The following MYO1E variants were observed in gnomAD, a reference collection of about 807,000 sequenced individuals.
MYO1E encodes the protein unconventional myosin-Ie.
Under a neutral mutation model 151.1 loss-of-function variants are expected in MYO1E, and 68 were observed. The observed-to-expected ratio is 0.45, with a 90% CI of 0.37 to 0.55. MYO1E has a LOEUF of 0.55. Ranked by LOEUF, MYO1E falls within the 20% of genes least tolerant of loss-of-function variation. The pLI is 0.00. For missense variants in MYO1E, 1,363 were observed against 1,389.3 expected, an observed-to-expected ratio of 0.98 and a Z score of 0.30; for synonymous variants, 601 against 501.7, an observed-to-expected ratio of 1.20 and a Z score of -2.64.
rs56164138 is a variant in MYO1E, at chr15:59,236,369, TACACACACACAC to T, written c.420+204_420+215del. Among the ~76,000 whole-genome samples, 17,278 of 117,540 alleles carry T rather than the reference TACACACACACAC, an allele frequency of 0.15. 1,645 individuals are homozygous for T. Among genetic ancestry groups the T allele is most frequent in the Non-Finnish European group, 0.16 (9,308 of 57,688 alleles). 77.1% of individuals were successfully genotyped at this position (117,540 alleles called of 152,430 possible). ...TCAAAAAAGAAAAAAAAAAAATATA[TACACACACACAC>T]ACACACACACACACACACACACACA... On this transcript the variant is annotated intron_variant, in intron 5 of 27. Transcript: ENST00000288235.
intron 2 of MYO1E, among the ~76,000 whole-genome samples, chr15:59,263,550 A>G (rs2080236477): frequency 1.3e-5 from 2 of 152,212 alleles, no homozygotes; most frequent in East Asian, 1.9e-4. Context: ...ATAATCATAT[A>G]ATTTTTTTAA....
At chr15:59,178,727 C>T (rs1282888759) in intron 18 of MYO1E, among the ~76,000 whole-genome samples, 190 bp from the exon 19 acceptor site, 1 of 152,228 alleles carries the variant, frequency 6.6e-6, no homozygotes, top group Non-Finnish European at 1.5e-5. Flanking sequence ...CTGGGATGCT[C>T]GTTCCCGAGC....
intron 1 of MYO1E, among the ~76,000 whole-genome samples, chr15:59,368,005 G>A (rs2080924170): frequency 6.6e-6 from 1 of 152,094 alleles, no homozygotes; most frequent in African/African-American, 2.4e-5. Context: ...TGTAATCCCA[G>A]CTACTCAGGG....
intron 5 of MYO1E, among the ~76,000 whole-genome samples, chr15:59,233,354 G>A (rs1178969007): frequency 6.6e-6 from 1 of 152,134 alleles, no homozygotes; most frequent in African/African-American, 2.4e-5. Flanking sequence ...AAAAGAGAAA[G>A]AGCAAACTGA....
chr15:59,185,387 C>T (rs1401722595), intron 18 of MYO1E, among the ~76,000 whole-genome samples: 1 of 152,182 alleles, frequency 6.6e-6, no homozygotes, highest in African/African-American at 2.4e-5. Flanking sequence ...CCTGCCTCAG[C>T]CTCCCAGGCA....
chr15:59,147,836 C>T (rs2079451249), intron 26 of MYO1E, among the ~76,000 whole-genome samples: 1 of 151,976 alleles, frequency 6.6e-6, no homozygotes, highest in Non-Finnish European at 1.5e-5. Context: ...TGTCTGGTCT[C>T]CTTGTCTTGG....
At chr15:59,297,054 G>A (rs6494096) in intron 1 of MYO1E, among the ~76,000 whole-genome samples, 41,668 of 66,724 alleles carry the variant, frequency 0.62, 16,218 homozygotes, top group South Asian at 0.86. Context: ...GAGTTTCACT[G>A]TGTTAGCCAG....
chr15:59,142,970 T>G (rs1237103029), intron 26 of MYO1E, among the ~76,000 whole-genome samples: 2 of 144,286 alleles, frequency 1.4e-5, no homozygotes, highest in African/African-American at 5.1e-5. Flanking sequence ...AAACTAGAGA[T>G]CGTAAGTCTC....
chr15:59,227,614 T>G, intron 6 of MYO1E, 24 bp from the exon 7 acceptor site: 1 of 1,613,856 alleles, frequency 6.2e-7, no homozygotes, highest in Non-Finnish European at 8.5e-7. Flanking sequence ...AGGGATTTCC[T>G]TCAATGGTTG....
intron 1 of MYO1E, among the ~76,000 whole-genome samples, chr15:59,371,897 T>G (rs1229771413): frequency 6.6e-6 from 1 of 150,962 alleles, no homozygotes; most frequent in Non-Finnish European, 1.5e-5. Context: ...GTGCTCGCCC[T>G]ACCTGGCGCC....
intron 4 of MYO1E, among the ~76,000 whole-genome samples, chr15:59,248,273 C>G (rs2080142734): frequency 1.3e-5 from 2 of 151,162 alleles, no homozygotes; most frequent in South Asian, 4.2e-4. Flanking sequence ...CACTTGAGGT[C>G]TGGAGCTCAT....
chr15:59,323,146 G>A (rs1408429721), intron 1 of MYO1E, among the ~76,000 whole-genome samples: 2 of 138,938 alleles, frequency 1.4e-5, no homozygotes, highest in Admixed American at 7.3e-5. Context: ...TCCAGCCTGG[G>A]CGACAGAGCA....
At chr15:59,205,329 A>G (rs539942203) in intron 15 of MYO1E, 71 bp downstream of exon 15, 25 of 1,455,684 alleles carry the variant, frequency 1.7e-5, no homozygotes, top group Admixed American at 3.3e-5. Context: ...CACCCAGCTC[A>G]TAAGTTTGTT....
intron 2 of MYO1E, among the ~76,000 whole-genome samples, chr15:59,267,287 A>C (rs1327296049): frequency 6.6e-6 from 1 of 152,114 alleles, no homozygotes; most frequent in Admixed American, 6.5e-5. Context: ...AGCCTCCCAA[A>C]GTGCTGGGAT....
intron 1 of MYO1E, among the ~76,000 whole-genome samples, chr15:59,283,615 G>A (rs1239920845): frequency 2.6e-5 from 4 of 152,174 alleles, no homozygotes; most frequent in Non-Finnish European, 4.4e-5. Flanking sequence ...TTATTCTCAC[G>A]TAACAGCTAA....
At chr15:59,174,084 T>C in intron 20 of MYO1E, 42 bp downstream of exon 20, 1 of 1,565,508 alleles carries the variant, frequency 6.4e-7, no homozygotes, top group Non-Finnish European at 8.8e-7. Flanking sequence ...CAATTTACTC[T>C]TCAGATTTAT....
At chr15:59,197,644 C>T (rs74506535) in intron 16 of MYO1E, among the ~76,000 whole-genome samples, 12,234 of 152,244 alleles carry the variant, frequency 0.08, 559 homozygotes, top group Middle Eastern at 0.15. Context: ...GGCTTGAACC[C>T]ACGCCCATGG....
intron 5 of MYO1E, among the ~76,000 whole-genome samples, chr15:59,235,767 G>A (rs772143139): frequency 5.9e-5 from 9 of 152,178 alleles, no homozygotes; most frequent in Non-Finnish European, 1.2e-4. Flanking sequence ...TCATTAAAAT[G>A]TACTAGTTCA....
rs1475027606 is a variant in MYO1E, at chr15:59,223,816, TCTC to T, written c.778-628_778-626del. Among the ~76,000 whole-genome samples the T allele has an allele frequency of 4.6e-5, 7 of 152,312 alleles. No individual in the cohort carries two copies. In the East Asian group the frequency reaches 5.8e-4, roughly 13 times the overall value. Reference sequence around the variant, plus strand: ...AAATGTCTAAATCTTAAGAGAAACATCTCCTAAGAAAACTACACTCTAGGACCA... The same window carrying T: ...AAATGTCTAAATCTTAAGAGAAACATCTAAGAAAACTACACTCTAGGACCA... On this transcript the variant is annotated intron_variant, in intron 8 of 27. Transcript: ENST00000288235.
Sources: gnomAD v4.1 joint callset for allele counts (sites outside exome capture counted in the v4.1 genomes callset) on GRCh38, gnomAD v4.1.1 for gene constraint, MANE v1.5 for transcripts, NCBI Gene and HGNC (gene_info 2026-07-23, HGNC 2026-07-21) for gene names.